Variants in GABRG3 observed in about 807,000 individuals in gnomAD.
GABRG3 encodes the protein gamma-aminobutyric acid receptor subunit gamma-3.
Under a neutral mutation model 48.8 loss-of-function variants are expected in GABRG3, and 25 were observed. The ratio of observed to expected loss-of-function variants is 0.51; its 90% CI spans 0.37 to 0.72. The LOEUF is 0.72. GABRG3 is among the 30% of genes least tolerant of loss of function. The pLI is 0.00. For missense variants in GABRG3, 394 were observed against 577.9 expected (o/e 0.68, Z 3.26); for synonymous variants, 227 against 217.6 (o/e 1.04, Z -0.38).
At position 27,457,653 on chromosome 15, in the gene GABRG3, G is replaced by C. The variant is rs1036679034; in HGVS notation, c.575-22997G>C. Among the ~76,000 whole-genome samples the C allele has an allele frequency of 6.6e-5, 10 of 152,102 alleles. No individual in the cohort carries two copies. Among genetic ancestry groups the C allele is most frequent in the Non-Finnish European group, 1.5e-4 (10 of 68,030 alleles). ...CCTCTCTAGGACGGGCTGCCTCCTT[G>C]GAGTCTGCAGCCTCACATCAGCCTA... On this transcript the variant is annotated intron_variant, in intron 5 of 9. Coordinates refer to ENST00000615808, the MANE Select transcript of GABRG3 (RefSeq NM_033223.5). This position sits in a 1 kb window ranked among gnomAD's most constrained non-coding sequence, Gnocchi z 4.4.
chr15:27,389,512 A>G lies in GABRG3; in HGVS notation c.574+60624A>G, dbSNP rs191287780. 2.1e-4 allele frequency among the ~76,000 whole-genome samples: 32 copies of G among 152,308 alleles called. No individual in the cohort carries two copies. The East Asian group carries it at 5.6e-3, about 27-fold the overall frequency. ...AATGGGTTATTTTGATAAATAAAGT[A>G]TGTTGTTGGAGTGTGTGTAGTCCTC... On this transcript the variant is annotated intron_variant, in intron 5 of 9. Coordinates refer to ENST00000615808, the MANE Select transcript of GABRG3 (RefSeq NM_033223.5).
At chr15:27,519,835 C>T (rs1238989070) in intron 6 of GABRG3, 137 bp from the exon 7 acceptor site, 5 of 666,082 alleles carry the variant, frequency 7.5e-6, no homozygotes, top group Non-Finnish European at 1.0e-5. Flanking sequence ...CATTTTGATC[C>T]ATTTCCTGAT....
At chr15:27,059,715 G>C (rs949427996) in intron 3 of GABRG3, among the ~76,000 whole-genome samples, 2 of 152,332 alleles carry the variant, frequency 1.3e-5, no homozygotes, top group South Asian at 4.1e-4. Flanking sequence ...GAGTGAAAGG[G>C]TTTCCTGCCA....
chr15:27,351,625 G>GGTAT (rs375858481), intron 5 of GABRG3, among the ~76,000 whole-genome samples: 2,502 of 147,930 alleles, frequency 0.017, 89 homozygotes, highest in African/African-American at 0.059. Context: ...GTGTGTGTAT[G>GGTAT]GTATGTGTTT....
intron 5 of GABRG3, among the ~76,000 whole-genome samples, chr15:27,388,247 A>AGGAAGGAAGGAAAGG (rs1566818141): frequency 1.7e-4 from 3 of 17,504 alleles, no homozygotes; most frequent in Non-Finnish European, 3.6e-4. Flanking sequence ...GGAGGGAGGA[A>AGGAAGGAAGGAAAGG]AGGAAGGAAG....
At chr15:27,218,985 C>G (rs369913383) in intron 3 of GABRG3, among the ~76,000 whole-genome samples, 14 of 152,104 alleles carry the variant, frequency 9.2e-5, no homozygotes, top group East Asian at 3.9e-4. Flanking sequence ...CCCTGATGAC[C>G]CTGGCCATAC....
At position 27,440,378 on chromosome 15, in the gene GABRG3, C is replaced by G. The variant is rs935923014; in HGVS notation, c.575-40272C>G. The stretch of plus-strand genomic sequence containing the variant: ...ATATTTGAGGTCTTCATCAGTGAAC[C>G]TTTTTTCTCCACCAAGCTAGGCATA... On this transcript the variant is annotated intron_variant, in intron 5 of 9. Coordinates refer to ENST00000615808, the MANE Select transcript of GABRG3 (RefSeq NM_033223.5). 4.6e-4 allele frequency among the ~76,000 whole-genome samples: 70 copies of G among 152,276 alleles called. 1 individual carries two copies. Among genetic ancestry groups the G allele is most frequent in the African/African-American group, 1.7e-3 (69 of 41,548 alleles).
intron 3 of GABRG3, among the ~76,000 whole-genome samples, chr15:27,144,875 C>G (rs1898169993): frequency 6.6e-6 from 1 of 152,218 alleles, no homozygotes; most frequent in Non-Finnish European, 1.5e-5. Context: ...TACTTCTAGG[C>G]ATTTAAGAAA....
At position 27,532,956 on chromosome 15, in the gene GABRG3, C is replaced by A. The variant is rs1891465015; in HGVS notation, c.*75C>A. ...CTGTCGTCCCCAGACCAGTAGTGAC[C>A]AATCGGGAGTAGCAAGGAAGGACAC... On this transcript the variant is annotated 3_prime_UTR_variant, in exon 10 of 10. Coordinates refer to ENST00000615808, the MANE Select transcript of GABRG3 (RefSeq NM_033223.5). 1 of 1,416,986 alleles carries A rather than the reference C, an allele frequency of 7.1e-7. No homozygotes were observed. The highest frequency in any genetic ancestry group is 9.6e-7 in the Non-Finnish European group (1 of 1,036,606). 87.8% of individuals were successfully genotyped at this position (1,416,986 alleles called of 1,614,324 possible). A position where few individuals can be genotyped will look rare whatever the true frequency, so the allele number is the denominator to read the frequency against.
intron 6 of GABRG3, among the ~76,000 whole-genome samples, chr15:27,510,984 G>C (rs1211257495): frequency 6.6e-6 from 1 of 152,190 alleles, no homozygotes; most frequent in Non-Finnish European, 1.5e-5. Context: ...AAACACTTGT[G>C]TGATTCTTCT....
chr15:26,995,830 T>C (rs1895330612), intron 2 of GABRG3, among the ~76,000 whole-genome samples: 1 of 152,128 alleles, frequency 6.6e-6, no homozygotes, highest in South Asian at 2.1e-4. Flanking sequence ...TAAAAATTTA[T>C]TTTCACATTA....
Position 27,537,124 on chromosome 15 carries a change from T to TAAATA in GABRG3, c.*4246_*4247insTAAAA, listed in dbSNP as rs1891564635. ...TAAGAAATTTCATCTGCAATTTCTG[T>TAAATA]AAAAAAAAAAAAAAAAAAAAAGAAT... On this transcript the variant is annotated 3_prime_UTR_variant, in exon 10 of 10. Coordinates refer to ENST00000615808, the MANE Select transcript of GABRG3 (RefSeq NM_033223.5). 8.6e-6 allele frequency: 1 copy of TAAATA among 115,786 alleles called. No homozygotes were observed. The highest frequency in any genetic ancestry group is 2.9e-5 in the African/African-American group (1 of 34,318). The allele number at this position is 115,786 out of a possible 1,614,324, so 7.2% of individuals were successfully genotyped here.
At chr15:27,387,495 G>A (rs1205559908) in intron 5 of GABRG3, among the ~76,000 whole-genome samples, 2 of 151,696 alleles carry the variant, frequency 1.3e-5, no homozygotes, top group Non-Finnish European at 2.9e-5. Flanking sequence ...GTAATTAGGG[G>A]GTATTCCATG....
chr15:27,143,421 C>T (rs918013055), intron 3 of GABRG3, among the ~76,000 whole-genome samples: 18 of 152,198 alleles, frequency 1.2e-4, no homozygotes, highest in Admixed American at 4.6e-4. Flanking sequence ...TGTAGTGCAA[C>T]CCTGCCTTAA....
chr15:27,418,725 C>G (rs1167944333), intron 5 of GABRG3: 1 of 152,192 alleles, frequency 6.6e-6, no homozygotes, highest in Non-Finnish European at 1.5e-5. Flanking sequence ...TTGTTTTTAC[C>G]TAAAATAAAA....
chr15:27,452,688 G>T (rs1485278349), intron 5 of GABRG3, among the ~76,000 whole-genome samples: 1 of 152,208 alleles, frequency 6.6e-6, no homozygotes, highest in African/African-American at 2.4e-5. Flanking sequence ...GGGGGAGGAA[G>T]AAGAGGAAGG....
Position 27,520,133 on chromosome 15 carries a change from C to CA in GABRG3, c.865+15dup, listed in dbSNP as rs1215265431. The CA allele has an allele frequency of 1.3e-6, 2 of 1,584,802 alleles. No homozygotes were observed. Among genetic ancestry groups the CA allele is most frequent in the African/African-American group, 2.7e-5 (2 of 73,810 alleles). On this transcript the variant is annotated intron_variant, in intron 7 of 9. Coordinates refer to ENST00000615808, the MANE Select transcript of GABRG3 (RefSeq NM_033223.5). ...AGCAAGAACAGCATTAGGTGAGTTT[C>CA]AAAAAATCTCTTCCACAAATTTGCG...
chr15:27,426,396 G>T (rs923071282), intron 5 of GABRG3, among the ~76,000 whole-genome samples: 2 of 152,198 alleles, frequency 1.3e-5, no homozygotes, highest in African/African-American at 4.8e-5. Context: ...CAGAAGCCTG[G>T]TGTCCAAGCT....
chr15:27,001,784 C>A (rs2043771637), intron 2 of GABRG3, among the ~76,000 whole-genome samples: 1 of 152,116 alleles, frequency 6.6e-6, no homozygotes, highest in South Asian at 2.1e-4. Context: ...GGTTTGTTTC[C>A]TCCAAGGCAG....
Sources: allele counts gnomAD v4.1 joint callset (sites outside exome capture counted in the v4.1 genomes callset), GRCh38; gene constraint gnomAD v4.1.1; non-coding constraint Gnocchi (gnomAD v3.1); transcripts MANE v1.5; gene names NCBI Gene and HGNC (gene_info 2026-07-23, HGNC 2026-07-21).